Variants in VIPR2 observed in about 807,000 individuals in gnomAD.
VIPR2 encodes the protein vasoactive intestinal peptide receptor 2, also known as vasoactive intestinal polypeptide receptor 2.
A neutral mutation model predicts 58.0 loss-of-function variants in VIPR2; 48 were observed. That is an observed-to-expected ratio of 0.83 (90% confidence interval 0.66 to 1.05). The LOEUF (loss-of-function observed/expected upper bound fraction) is 1.05. VIPR2 is among the 50% of genes least tolerant of loss of function. The pLI is 0.00. For missense variants in VIPR2, 534 were observed against 558.0 expected (o/e 0.96, Z 0.43); for synonymous variants, 243 against 235.2 (o/e 1.03, Z -0.30).
intron 4 of VIPR2, among the ~76,000 whole-genome samples, chr7:159,068,238 C>T (rs1157418966): frequency 6.6e-6 from 1 of 152,212 alleles, no homozygotes; most frequent in Admixed American, 6.5e-5. Context: ...AGAGTCAGCC[C>T]AGCCCCAGGG....
chr7:159,031,771 G>C lies in VIPR2; in HGVS notation c.1143+57C>G. On this transcript the variant is annotated intron_variant, in intron 12 of 12. Transcript: ENST00000262178. This position sits in a 1 kb window ranked among gnomAD's most constrained non-coding sequence, Gnocchi z 4.0. ...GGGGGCTGCGGCACCAGGCTGGGCA[G>C]CATCTCAGGAAGCAAGTGAGTACCT... is the stretch of plus-strand genomic sequence containing the variant. The C allele has an allele frequency of 6.2e-7, 1 of 1,612,772 alleles. No homozygotes were observed. Among genetic ancestry groups the C allele is most frequent in the South Asian group, 1.1e-5 (1 of 91,044 alleles).
At chr7:159,051,870 A>T (rs905890728) in intron 5 of VIPR2, among the ~76,000 whole-genome samples, 1 of 152,178 alleles carries the variant, frequency 6.6e-6, no homozygotes, top group Non-Finnish European at 1.5e-5. Context: ...ACAAATAGAC[A>T]AGCCCACAAT....
chr7:159,091,330 T>A (rs1857491463), intron 4 of VIPR2, among the ~76,000 whole-genome samples: 1 of 152,210 alleles, frequency 6.6e-6, no homozygotes, highest in Non-Finnish European at 1.5e-5. Flanking sequence ...CTGAGCCGTG[T>A]CCCTGTATGG....
At chr7:159,037,325 C>G (rs1585333864) in intron 6 of VIPR2, among the ~76,000 whole-genome samples, 1 of 152,210 alleles carries the variant, frequency 6.6e-6, no homozygotes, top group South Asian at 2.1e-4. Flanking sequence ...GAAGAGCCGG[C>G]AGGAGGTCAT....
At chr7:159,085,625 G>A (rs1038746949) in intron 4 of VIPR2, among the ~76,000 whole-genome samples, 29 of 152,192 alleles carry the variant, frequency 1.9e-4, no homozygotes, top group African/African-American at 6.5e-4. Context: ...CGGCTGTCAC[G>A]CTGAAGCTGA....
intron 2 of VIPR2, chr7:159,117,122 C>G (rs186621816): frequency 1.7e-6 from 1 of 577,242 alleles, no homozygotes; most frequent in Admixed American, 3.1e-5. Context: ...ACCAGGTTCA[C>G]AGAGGGGAGG....
intron 5 of VIPR2, among the ~76,000 whole-genome samples, chr7:159,049,958 C>T (rs2730262): frequency 0.83 from 125,830 of 152,228 alleles, 53,936 homozygotes; most frequent in East Asian, 1. Flanking sequence ...CATCTGAAGC[C>T]TCTGCAATTT....
intron 2 of VIPR2, among the ~76,000 whole-genome samples, chr7:159,134,495 A>G (rs931376708): frequency 1.3e-5 from 2 of 152,196 alleles, no homozygotes; most frequent in Admixed American, 1.3e-4. Flanking sequence ...TGAGTAAGAA[A>G]AAAACTGAGT....
At chr7:159,091,216 G>A (rs1215357755) in intron 4 of VIPR2, among the ~76,000 whole-genome samples, 2 of 152,278 alleles carry the variant, frequency 1.3e-5, no homozygotes, top group Non-Finnish European at 2.9e-5. Flanking sequence ...AGCAACACAA[G>A]TGAGGTTAAT....
intron 6 of VIPR2, among the ~76,000 whole-genome samples, chr7:159,040,160 CTT>C (rs1854235396): frequency 6.6e-6 from 1 of 152,246 alleles, no homozygotes; most frequent in South Asian, 2.1e-4. Context: ...CCTCTACTGA[CTT>C]CATTTTCTAC....
rs1483659250 is a variant in VIPR2 at position 159,058,559 on chromosome 7, A to C, written c.377T>G (p.Val126Gly). ...GTAGCCCAGTGTATAAATGGCCTTC[A>C]CCAGAATATAAAACGTGATCTACAA... ...DESKITFYIL[V>G]KAIYTLGYSV... is the part of the protein sequence containing the mutation. Residue 126 changes from valine (V) to glycine (G), a missense_variant, in exon 5 of 13, where the codon GTG (valine) becomes GGG (glycine). Coordinates refer to ENST00000262178, the MANE Select transcript of VIPR2 (RefSeq NM_003382.5). 6.2e-7 allele frequency: 1 copy of C among 1,612,104 alleles called. No individual in the cohort carries two copies. The highest frequency in any genetic ancestry group is 8.5e-7 in the Non-Finnish European group (1 of 1,178,298).
chr7:159,068,016 C>A (rs992263404), intron 4 of VIPR2, among the ~76,000 whole-genome samples: 1 of 152,262 alleles, frequency 6.6e-6, no homozygotes, highest in African/African-American at 2.4e-5. Context: ...CTCCTGCATG[C>A]TAACCGCTGG....
chr7:159,135,003 A>ATTTTTTTTTTT (rs1797144053), intron 2 of VIPR2, among the ~76,000 whole-genome samples: 2 of 89,134 alleles, frequency 2.2e-5, no homozygotes, highest in East Asian at 6.3e-4. Context: ...TAATTACAAA[A>ATTTTTTTTTTT]GTTTTTTTTT....
intron 4 of VIPR2, among the ~76,000 whole-genome samples, 162 bp downstream of exon 4, chr7:159,103,595 G>A (rs1861273): frequency 0.051 from 7,728 of 152,188 alleles, 643 homozygotes; most frequent in African/African-American, 0.18. Flanking sequence ...GCAGCAGAAC[G>A]GAAACAGGGA....
At position 159,098,307 on chromosome 7, in the gene VIPR2, G is replaced by A. The variant is rs186407546; in HGVS notation, c.357+5450C>T. Among the ~76,000 whole-genome samples, 638 of 152,288 alleles carry A rather than the reference G, an allele frequency of 4.2e-3. 2 individuals carry two copies. Among genetic ancestry groups the A allele is most frequent in the African/African-American group, 0.015 (613 of 41,564 alleles). ...CTGGTGGTGGTGCTCGAGAACTGTG[G>A]CTTACAGTGCGGGTGGGCAAGCGGA... is the stretch of plus-strand genomic sequence containing the variant. On this transcript the variant is annotated intron_variant, in intron 4 of 12. Coordinates refer to ENST00000262178, the MANE Select transcript of VIPR2 (RefSeq NM_003382.5). The surrounding 1 kb of genome is among the most constrained non-coding windows in gnomAD (Gnocchi z 5.2).
intron 4 of VIPR2, among the ~76,000 whole-genome samples, chr7:159,070,329 T>A (rs1856316266): frequency 6.6e-6 from 1 of 151,918 alleles, no homozygotes; most frequent in South Asian, 2.1e-4. Context: ...GTCACTCTGG[T>A]TCTCAGCTCT....
At chr7:159,105,270 C>T (rs1223647525) in intron 3 of VIPR2, among the ~76,000 whole-genome samples, 1 of 152,282 alleles carries the variant, frequency 6.6e-6, no homozygotes, top group East Asian at 1.9e-4. Context: ...CCCAGGAGGC[C>T]GGACCCCTCC....
chr7:159,058,835 G>A (rs185112060), intron 4 of VIPR2, among the ~76,000 whole-genome samples: 1 of 152,340 alleles, frequency 6.6e-6, no homozygotes, highest in East Asian at 1.9e-4. Context: ...TCTGTCTGGA[G>A]GGAACACGAC....
At chr7:159,136,430 C>A (rs915568689) in intron 2 of VIPR2, among the ~76,000 whole-genome samples, 1 of 152,154 alleles carries the variant, frequency 6.6e-6, no homozygotes, top group African/African-American at 2.4e-5. Context: ...GATAAATATT[C>A]AAACCATAGC....
Sources: allele counts gnomAD v4.1 joint callset (sites outside exome capture counted in the v4.1 genomes callset), GRCh38; gene constraint gnomAD v4.1.1; non-coding constraint Gnocchi (gnomAD v3.1); transcripts MANE v1.5; gene names NCBI Gene and HGNC (gene_info 2026-07-23, HGNC 2026-07-21).